The following LRRTM4 variants were observed in gnomAD, a reference collection of about 807,000 sequenced individuals.
LRRTM4 encodes the protein leucine rich repeat transmembrane neuronal 4.
LRRTM4 carries 25 observed loss-of-function variants against 47.6 expected under a neutral mutation model. That is an observed-to-expected ratio of 0.53 (90% confidence interval 0.38 to 0.73). The LOEUF is 0.73. Ranked by LOEUF, LRRTM4 falls within the 30% of genes least tolerant of loss-of-function variation. The probability of loss-of-function intolerance (pLI) is 0.00; values close to 1 mark genes in which losing one functional copy is unlikely to be tolerated. For missense variants in LRRTM4, 638 were observed against 713.4 expected (o/e 0.89, Z 1.20); for synonymous variants, 311 against 269.5 (o/e 1.15, Z -1.51).
chr2:76,987,402 T>C (rs1045333211), intron 3 of LRRTM4: 4 of 151,858 alleles, frequency 2.6e-5, no homozygotes, highest in African/African-American at 9.7e-5. Context: ...CTTGGTAATA[T>C]TAGGTGATGT....
At chr2:77,010,545 C>G (rs1446700) in intron 3 of LRRTM4, among the ~76,000 whole-genome samples, 55,121 of 148,850 alleles carry the variant, frequency 0.37, 10,494 homozygotes, top group East Asian at 0.49. Flanking sequence ...CACACACACA[C>G]AGTCTTTAAC....
At chr2:77,036,637 T>C (rs1005031880) in intron 3 of LRRTM4, among the ~76,000 whole-genome samples, 2 of 151,746 alleles carry the variant, frequency 1.3e-5, no homozygotes, top group Non-Finnish European at 3.0e-5. Flanking sequence ...CTGTGGAATA[T>C]TGATGCTATT....
At chr2:77,198,311 A>G (rs1167727171) in intron 3 of LRRTM4, among the ~76,000 whole-genome samples, 4 of 152,158 alleles carry the variant, frequency 2.6e-5, no homozygotes, top group South Asian at 4.1e-4. Flanking sequence ...CAGAGCCCCA[A>G]ATCATCACAG....
chr2:77,337,895 C>A (rs1180866076), intron 3 of LRRTM4, among the ~76,000 whole-genome samples: 1 of 151,994 alleles, frequency 6.6e-6, no homozygotes, highest in African/African-American at 2.4e-5. Flanking sequence ...AAAATAGACA[C>A]ATAGACCAAT....
intron 3 of LRRTM4, among the ~76,000 whole-genome samples, chr2:77,007,978 T>C (rs1677721448): frequency 6.6e-6 from 1 of 152,202 alleles, no homozygotes; most frequent in Non-Finnish European, 1.5e-5. Context: ...ACTTTTACTG[T>C]GTTCCAGATT....
intron 3 of LRRTM4, among the ~76,000 whole-genome samples, chr2:77,378,961 T>C (rs941806717): frequency 1.2e-4 from 19 of 152,190 alleles, no homozygotes; most frequent in African/African-American, 4.3e-4. Context: ...ATGATGTTCA[T>C]TATCACTGAA....
chr2:76,923,721 A>G (rs775039467), intron 3 of LRRTM4, among the ~76,000 whole-genome samples: 13 of 152,070 alleles, frequency 8.5e-5, no homozygotes, highest in Non-Finnish European at 1.9e-4. Context: ...TTGCAAAACA[A>G]TCTCAGATTT....
chr2:77,221,843 G>T (rs1161284798), intron 3 of LRRTM4, among the ~76,000 whole-genome samples: 6 of 152,034 alleles, frequency 3.9e-5, no homozygotes, highest in Admixed American at 6.6e-5. Context: ...ACTCAGCTCT[G>T]CACCAAGCAG....
At chr2:76,874,529 A>G (rs1672725520) in intron 3 of LRRTM4, among the ~76,000 whole-genome samples, 1 of 152,046 alleles carries the variant, frequency 6.6e-6, no homozygotes, top group African/African-American at 2.4e-5. Flanking sequence ...AGTATATTTT[A>G]TGCTGATTAA....
intron 3 of LRRTM4, among the ~76,000 whole-genome samples, chr2:77,025,667 G>T (rs1370534652): frequency 1.3e-5 from 2 of 152,156 alleles, no homozygotes; most frequent in Non-Finnish European, 2.9e-5. Flanking sequence ...GCTGGTAGAA[G>T]CAGTGATGAC....
chr2:77,031,113 A>T (rs1171435155), intron 3 of LRRTM4, among the ~76,000 whole-genome samples: 1 of 152,140 alleles, frequency 6.6e-6, no homozygotes, highest in East Asian at 1.9e-4. Flanking sequence ...TAGAACATAC[A>T]TTTACAGATA....
At chr2:76,835,207 T>C (rs1240276784) in intron 3 of LRRTM4, among the ~76,000 whole-genome samples, 1 of 152,058 alleles carries the variant, frequency 6.6e-6, no homozygotes, top group East Asian at 1.9e-4. Context: ...ACTTATTAAA[T>C]TGTACAGGTT....
chr2:76,775,032 C>G (rs76872150), intron 3 of LRRTM4, among the ~76,000 whole-genome samples: 6,704 of 152,232 alleles, frequency 0.044, 217 homozygotes, highest in Non-Finnish European at 0.07. Context: ...TGTCTCTTAG[C>G]TCTCGAATTT....
At chr2:77,046,303 TC>T in intron 3 of LRRTM4, among the ~76,000 whole-genome samples, 1 of 152,100 alleles carries the variant, frequency 6.6e-6, no homozygotes, top group Middle Eastern at 3.4e-3. Context: ...TTCACACTAG[TC>T]TGTGAACTCC....
In LRRTM4 at chr2:77,046,398, C is replaced by T. The variant is rs142143212; in HGVS notation, c.1552-297482G>A. On this transcript the variant is annotated intron_variant, in intron 3 of 3. Transcript: ENST00000409884. ...GATTTTTTTTCTAGAAAAATAGTTA[C>T]ACATCTTTGGGAACTGGAAGTTTAG... Among the ~76,000 whole-genome samples the T allele has an allele frequency of 1.0e-3, 155 of 152,074 alleles. 1 individual carries two copies. The highest frequency in any genetic ancestry group is 3.6e-3 in the African/African-American group (150 of 41,518).
chr2:77,290,414 G>A (rs571315951), intron 3 of LRRTM4, among the ~76,000 whole-genome samples: 13 of 151,846 alleles, frequency 8.6e-5, no homozygotes, highest in African/African-American at 2.2e-4. Context: ...TATAGGGAGG[G>A]GAGCATAAAG....
chr2:76,900,708 A>G (rs904273528), intron 3 of LRRTM4, among the ~76,000 whole-genome samples: 4 of 152,232 alleles, frequency 2.6e-5, no homozygotes, highest in Non-Finnish European at 4.4e-5. Context: ...TTACTTTCAT[A>G]AAAATCGAGA....
intron 3 of LRRTM4, among the ~76,000 whole-genome samples, chr2:76,906,265 G>T (rs1199780679): frequency 6.6e-6 from 1 of 152,044 alleles, no homozygotes; most frequent in Non-Finnish European, 1.5e-5. Flanking sequence ...AAGTGAAGGA[G>T]AAATAAAATA....
intron 3 of LRRTM4, among the ~76,000 whole-genome samples, chr2:76,924,472 A>G (rs1573320367): frequency 6.6e-6 from 1 of 152,076 alleles, no homozygotes; most frequent in East Asian, 1.9e-4. Flanking sequence ...TCCCAATTCC[A>G]CAGTCTAATT....
Sources: allele counts gnomAD v4.1 joint callset (sites outside exome capture counted in the v4.1 genomes callset), GRCh38; gene constraint gnomAD v4.1.1; transcripts MANE v1.5; gene names NCBI Gene and HGNC (gene_info 2026-07-23, HGNC 2026-07-21).